The following FIGN variants were observed in gnomAD, a reference collection of about 807,000 sequenced individuals.
The protein encoded by FIGN is fidgetin.
Under a neutral mutation model 51.3 loss-of-function variants are expected in FIGN, and 11 were observed. That is an observed-to-expected ratio of 0.21 (90% CI 0.13 to 0.35). The LOEUF (loss-of-function observed/expected upper bound fraction) is 0.35. Ranked by LOEUF, FIGN falls within the 10% of genes least tolerant of loss-of-function variation. FIGN has a pLI of 1.00. For synonymous variants in FIGN, 407 were observed against 363.2 expected (o/e 1.12, Z -1.37); for missense variants, 857 against 943.6 (o/e 0.91, Z 1.20).
At chr2:163,678,097 A>G (rs994538330) in intron 2 of FIGN, among the ~76,000 whole-genome samples, 14 of 152,226 alleles carry the variant, frequency 9.2e-5, no homozygotes, top group Non-Finnish European at 1.8e-4. Flanking sequence ...CAATACCAAT[A>G]CACTATTGTC....
intron 2 of FIGN, among the ~76,000 whole-genome samples, chr2:163,714,163 T>C (rs1201916169): frequency 2.0e-5 from 3 of 152,116 alleles, no homozygotes; most frequent in African/African-American, 7.2e-5. Flanking sequence ...TTTCATCACT[T>C]TTTTCTTTTA....
chr2:163,623,782 G>T (rs1683008367), intron 2 of FIGN, among the ~76,000 whole-genome samples: 4 of 151,998 alleles, frequency 2.6e-5, no homozygotes, highest in African/African-American at 9.7e-5. Flanking sequence ...TGAGGATGTT[G>T]TATTGTGCCC....
At chr2:163,611,851 T>C (rs773838725) in intron 2 of FIGN, 45 bp from the exon 3 acceptor site, 1 of 1,505,588 alleles carries the variant, frequency 6.6e-7, no homozygotes, top group Admixed American at 2.1e-5. Flanking sequence ...TAAATAGGCA[T>C]CAGAACTCTT....
chr2:163,706,677 T>G (rs1197268488), intron 2 of FIGN, among the ~76,000 whole-genome samples: 2 of 152,168 alleles, frequency 1.3e-5, no homozygotes, highest in Admixed American at 1.3e-4. Context: ...AGACTGCATA[T>G]GCTTTTGGTT....
chr2:163,666,764 A>AG lies in FIGN; in HGVS notation c.26-54959dup, dbSNP rs1221868868. Among the ~76,000 whole-genome samples, 5 of 152,050 alleles carry AG rather than the reference A, an allele frequency of 3.3e-5. No homozygotes were observed. In the East Asian group the frequency reaches 1.0e-3, roughly 30 times the overall value. ...CAGGATGACAGAAATGAGGACACAA[A>AG]GCCTCAAAGAAGTACCATAATCACA... On this transcript the variant is annotated intron_variant, in intron 2 of 2. Transcript: ENST00000333129.
intron 2 of FIGN, among the ~76,000 whole-genome samples, chr2:163,708,191 G>A (rs918750330): frequency 1.6e-4 from 25 of 152,098 alleles, no homozygotes; most frequent in Non-Finnish European, 3.2e-4. Context: ...TTGTTATATA[G>A]ACACCTGCAC....
chr2:163,634,464 C>A (rs1683195390), intron 2 of FIGN, among the ~76,000 whole-genome samples: 1 of 151,866 alleles, frequency 6.6e-6, no homozygotes. Context: ...CACTCTACAC[C>A]ATTTTTTATT....
intron 2 of FIGN, among the ~76,000 whole-genome samples, chr2:163,680,822 C>G (rs552399698): frequency 6.6e-6 from 1 of 151,800 alleles, no homozygotes; most frequent in African/African-American, 2.4e-5. Flanking sequence ...CATATATGTT[C>G]CCTTTTCATT....
rs750961780 is a variant in FIGN at position 163,610,686 on chromosome 2, T to C, written c.1146A>G (p.Leu382=). The C allele has an allele frequency of 1.2e-6, 2 of 1,614,224 alleles. No homozygotes were observed. Among genetic ancestry groups the C allele is most frequent in the South Asian group, 2.2e-5 (2 of 91,086 alleles). Residue 382 remains leucine, a synonymous_variant, in exon 3 of 3, where the codon CTA becomes CTG. Coordinates refer to ENST00000333129, the MANE Select transcript of FIGN (RefSeq NM_018086.4). ...ATTTCCTTTGCTGTTCAGAGGACAT[T>C]AGCTGCTTCGTTGGCTTAAATGCTA... ...SSLAFKPTKQ[L]MSSEQQRKFS...
intron 2 of FIGN, among the ~76,000 whole-genome samples, chr2:163,694,377 T>G (rs548970216): frequency 9.2e-5 from 14 of 152,206 alleles, no homozygotes; most frequent in Non-Finnish European, 1.9e-4. Context: ...ATAATACCTA[T>G]TAGCATTCTA....
Position 163,726,618 on chromosome 2 carries a change from C to T in FIGN, c.25+8285G>A, listed in dbSNP as rs112838484. 5.0e-3 allele frequency among the ~76,000 whole-genome samples: 760 copies of T among 152,054 alleles called. 3 individuals carry two copies. Among genetic ancestry groups the T allele is most frequent in the Middle Eastern group, 0.037 (11 of 294 alleles). ...TACATTTTCTAACTAACCCCGTTAA[C>T]CTAAATACTCATAAAGGAATACCAA... On this transcript the variant is annotated intron_variant, in intron 2 of 2. Coordinates refer to ENST00000333129, the MANE Select transcript of FIGN (RefSeq NM_018086.4).
At chr2:163,704,907 T>C (rs745681459) in intron 2 of FIGN, among the ~76,000 whole-genome samples, 8 of 152,076 alleles carry the variant, frequency 5.3e-5, no homozygotes, top group Non-Finnish European at 8.8e-5. Context: ...ATAGTTCACA[T>C]TATATGCAAC....
At chr2:163,629,045 C>G (rs939739048) in intron 2 of FIGN, among the ~76,000 whole-genome samples, 18 of 152,034 alleles carry the variant, frequency 1.2e-4, no homozygotes, top group African/African-American at 4.3e-4. Context: ...GAAGTCCAAG[C>G]TTTACAAGGA....
intron 2 of FIGN, among the ~76,000 whole-genome samples, chr2:163,661,658 C>T (rs1027671545): frequency 2.0e-5 from 3 of 152,110 alleles, no homozygotes; most frequent in Non-Finnish European, 4.4e-5. Context: ...TTTCAGAATT[C>T]CCATGTGTTG....
At chr2:163,643,650 CAA>C (rs60064980) in intron 2 of FIGN, among the ~76,000 whole-genome samples, 125 of 99,316 alleles carry the variant, frequency 1.3e-3, no homozygotes, top group Non-Finnish European at 1.8e-3. Flanking sequence ...GACTCAGTCT[CAA>C]AAAAAAAAAA....
intron 2 of FIGN, among the ~76,000 whole-genome samples, chr2:163,630,106 A>C (rs922256413): frequency 1.3e-5 from 2 of 151,634 alleles, no homozygotes; most frequent in Middle Eastern, 3.4e-3. Context: ...GAATACAGAC[A>C]GGCACATGCT....
intron 2 of FIGN, among the ~76,000 whole-genome samples, chr2:163,722,492 T>G (rs1684773497): frequency 6.6e-6 from 1 of 152,220 alleles, no homozygotes; most frequent in Non-Finnish European, 1.5e-5. Flanking sequence ...TCTCAGAGTC[T>G]AATATTTTAT....
rs188905638 is a variant in FIGN, at chr2:163,671,829, A to C, written c.26-60023T>G. 8.5e-5 allele frequency among the ~76,000 whole-genome samples: 13 copies of C among 152,346 alleles called. 1 individual carries two copies. Among genetic ancestry groups the C allele is most frequent in the Admixed American group, 6.5e-4 (10 of 15,300 alleles). On this transcript the variant is annotated intron_variant, in intron 2 of 2. Transcript: ENST00000333129. ...AGTCACAAAATAGGTGAGTATTAAC[A>C]TGACAAGGATATGAAACATGCATGT...
At chr2:163,724,034 A>G (rs905058678) in intron 2 of FIGN, among the ~76,000 whole-genome samples, 5 of 152,202 alleles carry the variant, frequency 3.3e-5, no homozygotes, top group Non-Finnish European at 1.5e-5. Flanking sequence ...CTGGTCCATG[A>G]CAAAGCAGTC....
Sources: gnomAD v4.1 joint callset for allele counts (sites outside exome capture counted in the v4.1 genomes callset) on GRCh38, gnomAD v4.1.1 for gene constraint, MANE v1.5 for transcripts, NCBI Gene and HGNC (gene_info 2026-07-23, HGNC 2026-07-21) for gene names.